ARHGEF9: variants seen among roughly 807,000 people sequenced by gnomAD.
The protein encoded by ARHGEF9 is Cdc42 guanine nucleotide exchange factor 9.
Under a neutral mutation model 41.3 loss-of-function variants are expected in ARHGEF9, and 2 were observed. The observed-to-expected ratio is 0.05, with a 90% CI of 0.02 to 0.15. The LOEUF (loss-of-function observed/expected upper bound fraction) is 0.15. ARHGEF9 is among the 10% of genes least tolerant of loss of function. The pLI is 1.00. For missense variants in ARHGEF9, 225 were observed against 424.7 expected (o/e 0.53, Z 4.13); for synonymous variants, 160 against 154.4 (o/e 1.04, Z -0.27).
Position 63,754,829 on chromosome X carries a change from G to A in ARHGEF9, c.31-30118C>T, listed in dbSNP as rs2055865187. ...GTTTGTCCCTAGCTGAGAAATCTTA[G>A]CTTGCGCTGAAGTCGGCAGAGTCCA... On this transcript the variant is annotated intron_variant, in intron 1 of 9. Transcript: ENST00000671741. 14 of 938,080 alleles carry A rather than the reference G, an allele frequency of 1.5e-5. No individual in the cohort carries two copies. In the South Asian group the frequency reaches 7.7e-4, roughly 51 times the overall value. The allele number at this position is 938,080 out of a possible 1,213,427, so 77.3% of individuals were successfully genotyped here. A position where few individuals can be genotyped will look rare whatever the true frequency, so the allele number is the denominator to read the frequency against.
intron 1 of ARHGEF9, among the ~76,000 whole-genome samples, chrX:63,765,553 G>A (rs1199115842): frequency 1.8e-5 from 2 of 111,239 alleles, no homozygotes; most frequent in Non-Finnish European, 3.8e-5. Flanking sequence ...ACTGGAAAGG[G>A]GTAGTGGTGG....
intron 6 of ARHGEF9, among the ~76,000 whole-genome samples, chrX:63,672,020 T>C (rs782548611): frequency 8.9e-6 from 1 of 111,877 alleles, no homozygotes; most frequent in Non-Finnish European, 1.9e-5. Context: ...AAAATTCACA[T>C]GTTGAAACAT....
At chrX:63,762,087 G>A (rs1556449883) in intron 1 of ARHGEF9, among the ~76,000 whole-genome samples, 3 of 111,641 alleles carry the variant, frequency 2.7e-5, no homozygotes, top group Non-Finnish European at 5.7e-5. Flanking sequence ...AGAACCCAGT[G>A]TTTAGTTGTA....
intron 4 of ARHGEF9, among the ~76,000 whole-genome samples, chrX:63,680,134 A>G (rs782260138): frequency 8.9e-6 from 1 of 112,239 alleles, no homozygotes; most frequent in East Asian, 2.8e-4. Context: ...TTAGGAGAGG[A>G]TGTCAGTAAG....
intron 6 of ARHGEF9, among the ~76,000 whole-genome samples, chrX:63,667,945 A>G (rs1429130868): frequency 1.9e-4 from 21 of 110,860 alleles, no homozygotes; most frequent in African/African-American, 6.9e-4. Flanking sequence ...GGCTAGGAAG[A>G]TGTGCTACAG....
At chrX:63,769,943 G>A (rs190335617) in intron 1 of ARHGEF9, among the ~76,000 whole-genome samples, 11 of 112,348 alleles carry the variant, frequency 9.8e-5, no homozygotes, top group African/African-American at 2.9e-4. Flanking sequence ...ATGTGGGGTC[G>A]AGCCCCCACA....
chrX:63,729,322 C>G (rs1190591902), intron 1 of ARHGEF9, among the ~76,000 whole-genome samples: 2 of 110,746 alleles, frequency 1.8e-5, no homozygotes, highest in Non-Finnish European at 3.8e-5. Context: ...CTTGGGAAAT[C>G]AAGATTTATG....
chrX:63,705,509 C>T (rs1483182689), intron 3 of ARHGEF9, among the ~76,000 whole-genome samples: 2 of 109,710 alleles, frequency 1.8e-5, no homozygotes, highest in Non-Finnish European at 3.8e-5. Context: ...TAAGAGAGTA[C>T]GAGAGTGAAG....
At chrX:63,724,392 T>C (rs1428238965) in intron 2 of ARHGEF9, 140 bp downstream of exon 2, 6 of 651,720 alleles carry the variant, frequency 9.2e-6, no homozygotes, top group Non-Finnish European at 1.4e-5. Context: ...GTTCTCTGTA[T>C]GAGACAATTT....
intron 5 of ARHGEF9, among the ~76,000 whole-genome samples, chrX:63,674,457 T>C (rs2050136205): frequency 8.9e-6 from 1 of 112,420 alleles, no homozygotes; most frequent in Non-Finnish European, 1.9e-5. Flanking sequence ...CAGGGACAGG[T>C]TGATTTTAAA....
chrX:63,775,903 C>T (rs1431549512), intron 1 of ARHGEF9, among the ~76,000 whole-genome samples: 7 of 111,289 alleles, frequency 6.3e-5, no homozygotes, highest in Non-Finnish European at 1.1e-4. Context: ...CTACACAATA[C>T]CCTGAACCCC....
At chrX:63,712,541 C>CAT (rs781856587) in intron 2 of ARHGEF9, among the ~76,000 whole-genome samples, 158 of 110,565 alleles carry the variant, frequency 1.4e-3, no homozygotes, top group Middle Eastern at 4.7e-3. Context: ...TATGTGTATA[C>CAT]ATATATATAT....
chrX:63,713,639 A>G (rs1251179175), intron 2 of ARHGEF9, among the ~76,000 whole-genome samples: 1 of 109,043 alleles, frequency 9.2e-6, no homozygotes, highest in South Asian at 4.0e-4. Flanking sequence ...GTGTGGATAC[A>G]AAGGTGAATG....
chrX:63,697,866 G>C (rs1418022620), intron 3 of ARHGEF9, among the ~76,000 whole-genome samples: 1 of 111,544 alleles, frequency 9.0e-6, no homozygotes, highest in Non-Finnish European at 1.9e-5. Flanking sequence ...TTTCCCTGTT[G>C]TGTACATCAA....
intron 8 of ARHGEF9, among the ~76,000 whole-genome samples, chrX:63,653,805 T>C (rs1556332516): frequency 9.0e-6 from 1 of 110,798 alleles, no homozygotes; most frequent in Non-Finnish European, 1.9e-5. Context: ...AATTTTATAA[T>C]TAAAAAGTAA....
chrX:63,683,690 G>A (rs1276674844), intron 4 of ARHGEF9, among the ~76,000 whole-genome samples: 21 of 111,335 alleles, frequency 1.9e-4, no homozygotes, highest in Admixed American at 4.8e-4. Flanking sequence ...GAAATAAACC[G>A]AAGCAAATAT....
At chrX:63,662,617 T>A (rs782034230) in intron 7 of ARHGEF9, among the ~76,000 whole-genome samples, 1 of 111,947 alleles carries the variant, frequency 8.9e-6, no homozygotes, top group African/African-American at 3.2e-5. Context: ...CCTGGCTCTA[T>A]CACTCATTAG....
chrX:63,783,496 T>TC lies in ARHGEF9; in HGVS notation c.30+1619dup, dbSNP rs2056414732. 2.7e-5 allele frequency among the ~76,000 whole-genome samples: 3 copies of TC among 111,200 alleles called. No individual in the cohort carries two copies. In the South Asian group the frequency reaches 1.1e-3, roughly 42 times the overall value. On this transcript the variant is annotated intron_variant, in intron 1 of 9. Coordinates refer to ENST00000671741, the MANE Select transcript of ARHGEF9 (RefSeq NM_001353921.2). ...TTCTTGAGCTCCCGACCTCAGATGA[T>TC]CCACCCGCCTCGGCCTCCCAAAGTG...
chrX:63,771,538 T>C (rs782232779), intron 1 of ARHGEF9, among the ~76,000 whole-genome samples: 2 of 111,237 alleles, frequency 1.8e-5, no homozygotes, highest in African/African-American at 3.3e-5. Flanking sequence ...ATACCCTGCA[T>C]AATGTAGGTG....
Sources: allele counts gnomAD v4.1 joint callset (sites outside exome capture counted in the v4.1 genomes callset), GRCh38; gene constraint gnomAD v4.1.1; transcripts MANE v1.5; gene names NCBI Gene and HGNC (gene_info 2026-07-23, HGNC 2026-07-21).